The following PPARGC1A variants were observed in gnomAD, a reference collection of about 807,000 sequenced individuals.
PPARGC1A encodes the protein peroxisome proliferator-activated receptor gamma coactivator 1-alpha.
A neutral mutation model predicts 88.7 loss-of-function variants in PPARGC1A; 25 were observed. That is an observed-to-expected ratio of 0.28 (90% CI 0.21 to 0.39). The LOEUF (loss-of-function observed/expected upper bound fraction) is 0.39. Ranked by LOEUF, PPARGC1A falls within the 10% of genes least tolerant of loss-of-function variation. The pLI, the probability that PPARGC1A is intolerant of heterozygous loss-of-function variation, is 1.00. For synonymous variants in PPARGC1A, 363 were observed against 355.6 expected, an observed-to-expected ratio of 1.02 and a Z score of -0.24; for missense variants, 880 against 968.7, an observed-to-expected ratio of 0.91 and a Z score of 1.22.
chr4:24,119,777 C>T, the PPARGC1A span, among the ~76,000 whole-genome samples: 1 of 152,048 alleles, frequency 6.6e-6, no homozygotes, highest in Non-Finnish European at 1.5e-5. Flanking sequence ...CTGTGTAAGC[C>T]ACTCTCTACC....
chr4:24,032,488 A>T, the PPARGC1A span, among the ~76,000 whole-genome samples: 1 of 152,210 alleles, frequency 6.6e-6, no homozygotes, highest in East Asian at 1.9e-4. Flanking sequence ...TACTAGCTAC[A>T]ATACCAGCTG....
At chr4:23,917,825 T>C in the PPARGC1A span, among the ~76,000 whole-genome samples, 3 of 152,336 alleles carry the variant, frequency 2.0e-5, no homozygotes, top group South Asian at 2.1e-4. Context: ...TCTGGTAGGA[T>C]GGGGTTTGGT....
the PPARGC1A span, among the ~76,000 whole-genome samples, chr4:24,201,492 G>T: frequency 6.6e-6 from 1 of 152,218 alleles, no homozygotes; most frequent in African/African-American, 2.4e-5. Context: ...GCCCAGGCCT[G>T]AGAAGAAGCA....
At chr4:24,387,766 G>GAGAAAGAAAGAA in the PPARGC1A span, among the ~76,000 whole-genome samples, 48 of 52,054 alleles carry the variant, frequency 9.2e-4, no homozygotes, top group East Asian at 2.1e-3. Flanking sequence ...GAGAGAGAGA[G>GAGAAAGAAAGAA]AGAAAGAAAG....
the PPARGC1A span, among the ~76,000 whole-genome samples, chr4:24,002,068 T>TCACACACACACA: frequency 1.8e-4 from 22 of 123,030 alleles, no homozygotes; most frequent in African/African-American, 4.6e-4. Flanking sequence ...GATGATAAAT[T>TCACACACACACA]CACACACACA....
the PPARGC1A span, among the ~76,000 whole-genome samples, chr4:24,297,914 C>A: frequency 1.2e-3 from 186 of 152,142 alleles, no homozygotes; most frequent in African/African-American, 4.3e-3. Flanking sequence ...TAACGTAAGC[C>A]CAAACAATTG....
At chr4:24,093,344 T>C in the PPARGC1A span, among the ~76,000 whole-genome samples, 35 of 152,326 alleles carry the variant, frequency 2.3e-4, no homozygotes, top group Middle Eastern at 3.4e-3. Context: ...ATCTGAAGAT[T>C]ATATAGGAAC....
the PPARGC1A span, among the ~76,000 whole-genome samples, chr4:24,061,426 G>A: frequency 5.3e-5 from 8 of 152,266 alleles, no homozygotes; most frequent in East Asian, 1.9e-4. Flanking sequence ...AATGCCTGGC[G>A]ACAACCATCC....
chr4:24,024,631 A>C, the PPARGC1A span, among the ~76,000 whole-genome samples: 2 of 152,216 alleles, frequency 1.3e-5, no homozygotes, highest in East Asian at 3.8e-4. Flanking sequence ...TCAAAGACAG[A>C]CTTTAACGGT....
At chr4:24,470,277 GACACACACACACACACACACACACACAC>G in the PPARGC1A span, among the ~76,000 whole-genome samples, 9 of 110,676 alleles carry the variant, frequency 8.1e-5, no homozygotes, top group Non-Finnish European at 1.9e-5. The surrounding 1 kb of genome is among the most constrained non-coding windows in gnomAD (Gnocchi z 5.8). Context: ...GACAGACACA[GACACACACACACACACACACACACACAC>G]ACACACACAC....
At chr4:23,969,966 C>T in the PPARGC1A span, among the ~76,000 whole-genome samples, 1 of 152,096 alleles carries the variant, frequency 6.6e-6, no homozygotes, top group Non-Finnish European at 1.5e-5. Context: ...ATGAAGAAAC[C>T]ATTCTATCCA....
At chr4:24,118,478 A>G in the PPARGC1A span, among the ~76,000 whole-genome samples, 1 of 152,120 alleles carries the variant, frequency 6.6e-6, no homozygotes, top group Non-Finnish European at 1.5e-5. Flanking sequence ...GGAAAACAGC[A>G]ATAGAATGTC....
At chr4:24,436,487 A>G in the PPARGC1A span, among the ~76,000 whole-genome samples, 15,213 of 138,794 alleles carry the variant, frequency 0.11, 1,039 homozygotes, top group African/African-American at 0.21. Context: ...AGCTGACATC[A>G]ATTGGCCACC....
chr4:24,047,028 C>G, the PPARGC1A span, among the ~76,000 whole-genome samples: 1 of 152,194 alleles, frequency 6.6e-6, no homozygotes, highest in Admixed American at 6.5e-5. Flanking sequence ...CAAGCCCACT[C>G]TGACTGACAA....
At chr4:23,928,368 A>C in the PPARGC1A span, among the ~76,000 whole-genome samples, 1 of 152,200 alleles carries the variant, frequency 6.6e-6, no homozygotes, top group Non-Finnish European at 1.5e-5. Context: ...ATTGCTATGA[A>C]TAAAATGCAA....
At chr4:24,302,267 C>CA in the PPARGC1A span, among the ~76,000 whole-genome samples, 2 of 152,042 alleles carry the variant, frequency 1.3e-5, no homozygotes, top group African/African-American at 4.8e-5. Flanking sequence ...ATCACGTATC[C>CA]AAAAAAACAA....
the PPARGC1A span, among the ~76,000 whole-genome samples, chr4:24,388,221 C>T: frequency 6.6e-6 from 1 of 150,948 alleles, no homozygotes; most frequent in African/African-American, 2.4e-5. Context: ...GGCCAACAAA[C>T]ATATGAAAAA....
chr4:23,924,099 G>A, the PPARGC1A span, among the ~76,000 whole-genome samples: 1 of 152,218 alleles, frequency 6.6e-6, no homozygotes, highest in African/African-American at 2.4e-5. Flanking sequence ...ATCACTTACA[G>A]TGGTACTGTG....
chr4:23,931,209 T>G, the PPARGC1A span, among the ~76,000 whole-genome samples: 4 of 152,070 alleles, frequency 2.6e-5, no homozygotes, highest in Non-Finnish European at 5.9e-5. Context: ...TGCAAATGTG[T>G]GTGTCACGCG....
Sources: allele counts gnomAD v4.1 joint callset (sites outside exome capture counted in the v4.1 genomes callset), GRCh38; gene constraint gnomAD v4.1.1; non-coding constraint Gnocchi (gnomAD v3.1); transcripts MANE v1.5; gene names NCBI Gene and HGNC (gene_info 2026-07-23, HGNC 2026-07-21).